SERPINI1: variants seen among roughly 807,000 people sequenced by gnomAD.
The protein encoded by SERPINI1 is serpin family I member 1.
In SERPINI1, 19 loss-of-function variants were observed where a neutral mutation model predicts 41.1. The observed-to-expected ratio is 0.46, with a 90% CI of 0.32 to 0.68. The LOEUF (loss-of-function observed/expected upper bound fraction) is 0.68, where lower values mean the gene tolerates loss of function less well. Among genes scored for constraint, SERPINI1 ranks in the 30% least tolerant of loss-of-function variants. SERPINI1 has a pLI of 0.03. For synonymous variants in SERPINI1, 138 were observed against 156.6 expected, an observed-to-expected ratio of 0.88 and a Z score of 0.89; for missense variants, 460 against 479.2, an observed-to-expected ratio of 0.96 and a Z score of 0.37.
In SERPINI1 at chr3:167,772,893, T is replaced by TATACAC. The variant is rs1391850018; in HGVS notation, c.-18-16217_-18-16216insTACACA. On this transcript the variant is annotated intron_variant, in intron 1 of 8. Transcript: ENST00000446050. ...ATATATATATATATATATATATATA[T>TATACAC]ACACACACACACACACACACACACA... Among the ~76,000 whole-genome samples the TATACAC allele has an allele frequency of 1.3e-4, 7 of 52,240 alleles. No homozygotes were observed. The South Asian group carries it at 3.2e-3, about 24-fold the overall frequency. The allele number at this position is 52,240 out of a possible 152,430, so 34.3% of individuals were successfully genotyped here. A position where few individuals can be genotyped will look rare whatever the true frequency, so the allele number is the denominator to read the frequency against.
intron 5 of SERPINI1, among the ~76,000 whole-genome samples, chr3:167,804,964 G>C (rs1711577778): frequency 6.6e-6 from 1 of 152,136 alleles, no homozygotes; most frequent in African/African-American, 2.4e-5. Context: ...ATGGCTTGCT[G>C]TGGAAACTAT....
intron 1 of SERPINI1, among the ~76,000 whole-genome samples, chr3:167,765,271 G>A (rs1726522097): frequency 5.3e-5 from 8 of 152,238 alleles, no homozygotes; most frequent in Admixed American, 5.2e-4. Context: ...GGGCAATCAG[G>A]CGTTTGCATA....
intron 1 of SERPINI1, among the ~76,000 whole-genome samples, chr3:167,752,398 G>T (rs374892224): frequency 6.6e-6 from 1 of 152,098 alleles, no homozygotes; most frequent in African/African-American, 2.4e-5. Context: ...TCTTAATGAA[G>T]GACAGCTCCA....
chr3:167,772,124 A>C (rs1215678369), intron 1 of SERPINI1, among the ~76,000 whole-genome samples: 1 of 152,172 alleles, frequency 6.6e-6, no homozygotes, highest in Admixed American at 6.5e-5. Context: ...CCATCTACCT[A>C]TAGGCTTGTT....
chr3:167,784,862 TC>T (rs1727257419), intron 1 of SERPINI1, among the ~76,000 whole-genome samples: 1 of 152,212 alleles, frequency 6.6e-6, no homozygotes, highest in South Asian at 2.1e-4. Context: ...ATTTTGGTTC[TC>T]TGACCTATTG....
chr3:167,743,281 G>T (rs1043640788), intron 1 of SERPINI1, among the ~76,000 whole-genome samples: 4 of 152,012 alleles, frequency 2.6e-5, no homozygotes, highest in Non-Finnish European at 4.4e-5. Context: ...TCAAAAATGT[G>T]AAAAATATGA....
At chr3:167,737,992 T>G (rs900945761) in intron 1 of SERPINI1, among the ~76,000 whole-genome samples, 31 of 152,174 alleles carry the variant, frequency 2.0e-4, no homozygotes, top group South Asian at 1.5e-3. Flanking sequence ...TGAGAGAATA[T>G]CATTGGAAAT....
chr3:167,822,916 T>C lies in SERPINI1; in HGVS notation c.980-70T>C, dbSNP rs556036728. On this transcript the variant is annotated intron_variant, in intron 6 of 8. Transcript: ENST00000446050. ...CAGTCTCTTAGATCTCTAAAATCCATTTAACAAAAGGGCAAAATATTTTCC... is the reference window on the plus strand; with the variant it reads ...CAGTCTCTTAGATCTCTAAAATCCACTTAACAAAAGGGCAAAATATTTTCC... The C allele has an allele frequency of 6.6e-5, 57 of 867,770 alleles. No homozygotes were observed. In the South Asian group the frequency reaches 6.8e-4, roughly 10 times the overall value. 53.8% of individuals were successfully genotyped at this position (867,770 alleles called of 1,614,324 possible).
In SERPINI1 at chr3:167,794,927, T is replaced by C. The variant is rs1003450795; in HGVS notation, c.881+103T>C. On this transcript the variant is annotated intron_variant, in intron 5 of 8. Transcript: ENST00000446050. ...CGAACTGCTTTCGAATTATAATTCTTGTGCCACTCTCTTCTTATTCTTGTT... is the reference window on the plus strand; with the variant it reads ...CGAACTGCTTTCGAATTATAATTCTCGTGCCACTCTCTTCTTATTCTTGTT... The C allele has an allele frequency of 8.3e-6, 7 of 843,164 alleles. 1 individual carries two copies. In the African/African-American group the frequency reaches 1.2e-4, roughly 14 times the overall value. 52.2% of individuals were successfully genotyped at this position (843,164 alleles called of 1,614,324 possible). A position where few individuals can be genotyped will look rare whatever the true frequency, so the allele number is the denominator to read the frequency against.
At chr3:167,805,364 A>T (rs2108566246) in intron 5 of SERPINI1, among the ~76,000 whole-genome samples, 1 of 152,278 alleles carries the variant, frequency 6.6e-6, no homozygotes, top group South Asian at 2.1e-4. Context: ...ATGTCTGTTC[A>T]TATCCTTTGC....
chr3:167,737,462 G>C (rs1171288700), intron 1 of SERPINI1, among the ~76,000 whole-genome samples: 1 of 152,054 alleles, frequency 6.6e-6, no homozygotes, highest in Non-Finnish European at 1.5e-5. Flanking sequence ...ATATGGCCCT[G>C]TGAAAATGAT....
intron 5 of SERPINI1, 37 bp downstream of exon 5, chr3:167,794,861 A>G (rs1392470938): frequency 7.2e-5 from 111 of 1,538,710 alleles, no homozygotes; most frequent in Non-Finnish European, 9.5e-5. Flanking sequence ...CACAGCATGG[A>G]CGATGGGCTA....
At chr3:167,825,121 G>GAGGAAGGA (rs35943442) in intron 8 of SERPINI1, 126 bp from the exon 9 acceptor site, 16 of 736,088 alleles carry the variant, frequency 2.2e-5, no homozygotes, top group African/African-American at 3.5e-5. Flanking sequence ...GGAAGGACAG[G>GAGGAAGGA]AGGAAGGAAG....
At chr3:167,773,715 T>C (rs1726869122) in intron 1 of SERPINI1, among the ~76,000 whole-genome samples, 1 of 152,236 alleles carries the variant, frequency 6.6e-6, no homozygotes, top group South Asian at 2.1e-4. Flanking sequence ...GGTTTATAAA[T>C]AGAATTAACA....
chr3:167,791,536 A>C (rs1178414292), intron 3 of SERPINI1, among the ~76,000 whole-genome samples: 1 of 152,226 alleles, frequency 6.6e-6, no homozygotes, highest in East Asian at 1.9e-4. Flanking sequence ...GTCTTTTAAT[A>C]GTCAAAGAAT....
At chr3:167,801,510 A>G (rs2108563813) in intron 5 of SERPINI1, among the ~76,000 whole-genome samples, 1 of 152,240 alleles carries the variant, frequency 6.6e-6, no homozygotes, top group South Asian at 2.1e-4. Context: ...CTCCATTCAT[A>G]TCCTCATTCT....
chr3:167,750,449 G>A (rs571064855), intron 1 of SERPINI1, among the ~76,000 whole-genome samples: 1 of 152,304 alleles, frequency 6.6e-6, no homozygotes, highest in Non-Finnish European at 1.5e-5. Context: ...ATGGAGCAAT[G>A]GGTTTGCCAT....
intron 6 of SERPINI1, among the ~76,000 whole-genome samples, chr3:167,809,308 T>C (rs1169232351): frequency 4.6e-5 from 7 of 152,218 alleles, no homozygotes; most frequent in Admixed American, 4.6e-4. Context: ...CAAATTCCAA[T>C]TGGATAATTA....
chr3:167,755,568 G>A (rs767910349), intron 1 of SERPINI1, among the ~76,000 whole-genome samples: 2 of 152,190 alleles, frequency 1.3e-5, no homozygotes, highest in Non-Finnish European at 2.9e-5. Flanking sequence ...GTTGGTACTG[G>A]AACCTTGTAA....
Sources: allele counts gnomAD v4.1 joint callset (sites outside exome capture counted in the v4.1 genomes callset), GRCh38; gene constraint gnomAD v4.1.1; transcripts MANE v1.5; gene names NCBI Gene and HGNC (gene_info 2026-07-23, HGNC 2026-07-21).